The following HHLA1 variants were observed in gnomAD, a reference collection of about 807,000 sequenced individuals.
The protein encoded by HHLA1 is HERV-H LTR-associating protein 1.
Under a neutral mutation model 69.9 loss-of-function variants are expected in HHLA1, and 72 were observed. The observed-to-expected ratio is 1.03, with a 90% CI of 0.85 to 1.25. HHLA1 has a LOEUF of 1.25. Ranked by LOEUF, HHLA1 falls within the 50% of genes most tolerant of loss-of-function variation. The probability of loss-of-function intolerance (pLI) is 0.00; values close to 1 mark genes in which losing one functional copy is unlikely to be tolerated. For missense variants in HHLA1, 685 were observed against 642.2 expected, an observed-to-expected ratio of 1.07 and a Z score of -0.72; for synonymous variants, 252 against 233.2, an observed-to-expected ratio of 1.08 and a Z score of -0.73.
chr8:132,064,508 C>G (rs55791419), intron 16 of HHLA1, among the ~76,000 whole-genome samples: 9,213 of 152,134 alleles, frequency 0.061, 383 homozygotes, highest in South Asian at 0.091. Flanking sequence ...TCTGACCACC[C>G]CACCCCCACT....
chr8:132,105,091 G>T, intron 2 of HHLA1, 96 bp downstream of exon 2: 1 of 891,538 alleles, frequency 1.1e-6, no homozygotes, highest in Non-Finnish European at 1.8e-6. Flanking sequence ...TTTGGATTCT[G>T]GGCAGAAATG....
At chr8:132,082,158 C>T (rs564368480) in intron 10 of HHLA1, among the ~76,000 whole-genome samples, 108 of 152,032 alleles carry the variant, frequency 7.1e-4, no homozygotes, top group Non-Finnish European at 1.3e-3. Context: ...GGAGACTCAA[C>T]AAAGAGTGAG....
At chr8:132,089,073 A>G (rs979485054) in intron 8 of HHLA1, among the ~76,000 whole-genome samples, 7 of 152,224 alleles carry the variant, frequency 4.6e-5, no homozygotes, top group Admixed American at 4.6e-4. Flanking sequence ...TGGGGGTTAC[A>G]TGAAACCACC....
chr8:132,088,508 T>A (rs1823897521), intron 8 of HHLA1, among the ~76,000 whole-genome samples: 1 of 152,164 alleles, frequency 6.6e-6, no homozygotes, highest in Non-Finnish European at 1.5e-5. Flanking sequence ...TAAACATACT[T>A]TTCCCTGACG....
chr8:132,078,933 T>C (rs1823692427), intron 11 of HHLA1, among the ~76,000 whole-genome samples: 1 of 149,932 alleles, frequency 6.7e-6, no homozygotes, highest in African/African-American at 2.5e-5. Flanking sequence ...CTGCACTTTA[T>C]TTTATTTTAA....
At chr8:132,064,319 C>T (rs186134007) in intron 16 of HHLA1, among the ~76,000 whole-genome samples, 183 of 152,322 alleles carry the variant, frequency 1.2e-3, no homozygotes, top group Middle Eastern at 6.8e-3. Flanking sequence ...GTATCTAACG[C>T]ATCTCTAGAG....
At chr8:132,080,687 C>T (rs1185037257) in intron 10 of HHLA1, 4 of 152,770 alleles carry the variant, frequency 2.6e-5, no homozygotes, top group African/African-American at 9.7e-5. Context: ...AGAGGCCTGA[C>T]ATGCCTGCCT....
intron 16 of HHLA1, among the ~76,000 whole-genome samples, chr8:132,065,192 G>A (rs574620582): frequency 5.3e-4 from 80 of 152,300 alleles, no homozygotes; most frequent in African/African-American, 1.9e-3. Flanking sequence ...CAAGGAGAGA[G>A]GTACCATAAT....
intron 14 of HHLA1, among the ~76,000 whole-genome samples, chr8:132,073,063 T>G (rs1189917089): frequency 6.6e-6 from 1 of 152,262 alleles, no homozygotes; most frequent in Non-Finnish European, 1.5e-5. Context: ...ATCTTTGACA[T>G]GTTGACATGT....
At chr8:132,076,274 T>C (rs1285737394) in intron 13 of HHLA1, 145 bp from the exon 14 acceptor site, 2 of 749,588 alleles carry the variant, frequency 2.7e-6, no homozygotes, top group Non-Finnish European at 4.4e-6. Context: ...AAGTGATTTA[T>C]GGAAGACCAC....
At chr8:132,104,205 A>C (rs1300322748) in intron 2 of HHLA1, 38 bp from the exon 3 acceptor site, 2 of 1,383,624 alleles carry the variant, frequency 1.4e-6, no homozygotes, top group South Asian at 2.5e-5. Flanking sequence ...AATTATAACC[A>C]AGACATAATA....
intron 10 of HHLA1, 142 bp from the exon 11 acceptor site, chr8:132,080,108 T>A (rs1412285654): frequency 8.5e-7 from 1 of 1,173,014 alleles, no homozygotes; most frequent in South Asian, 1.3e-5. Flanking sequence ...TTGCTATGTT[T>A]CCTGAACAGA....
At chr8:132,089,886 T>C (rs1014199736) in intron 7 of HHLA1, among the ~76,000 whole-genome samples, 3 of 152,166 alleles carry the variant, frequency 2.0e-5, no homozygotes, top group African/African-American at 7.2e-5. Context: ...AAGGGCCACA[T>C]TGTTGAATAA....
At chr8:132,071,209 C>A in intron 15 of HHLA1, 131 bp downstream of exon 15, 2 of 708,148 alleles carry the variant, frequency 2.8e-6, no homozygotes, top group Non-Finnish European at 4.7e-6. Flanking sequence ...GAGTCCCTTA[C>A]CTTGAGGTAA....
rs113892903 is a variant in HHLA1 at position 132,071,194 on chromosome 8, C to T, written c.1469+146G>A. The T allele has an allele frequency of 8.1e-5, 51 of 631,348 alleles. No homozygotes were observed. The African/African-American group carries it at 8.3e-4, about 10-fold the overall frequency. 39.1% of individuals were successfully genotyped at this position (631,348 alleles called of 1,614,324 possible). ...ATGTGACTGTCTAGTAAAGGACTCA[C>T]TGGAGAGTCCCTTACCTTGAGGTAA... On this transcript the variant is annotated intron_variant, in intron 15 of 16. Coordinates refer to ENST00000414222, the MANE Select transcript of HHLA1 (RefSeq NM_001145095.3).
intron 1 of HHLA1, among the ~76,000 whole-genome samples, chr8:132,109,913 T>C (rs1286126091): frequency 6.6e-6 from 1 of 152,188 alleles, no homozygotes; most frequent in East Asian, 1.9e-4. Flanking sequence ...TTGCTATGAC[T>C]GATGGGCCAA....
chr8:132,076,438 C>CCCCCCCAAA, intron 13 of HHLA1, 37 bp downstream of exon 13: 5 of 1,143,132 alleles, frequency 4.4e-6, no homozygotes, highest in Non-Finnish European at 6.3e-6. Flanking sequence ...TCCCATCCCC[C>CCCCCCCAAA]ACCCCCAAAC....
intron 15 of HHLA1, among the ~76,000 whole-genome samples, chr8:132,066,795 G>A (rs1823447691): frequency 6.6e-6 from 1 of 152,230 alleles, no homozygotes; most frequent in South Asian, 2.1e-4. Flanking sequence ...AAAGTGCAAA[G>A]CTGAGGAAAC....
intron 12 of HHLA1, 68 bp from the exon 13 acceptor site, chr8:132,076,611 G>A: frequency 1.8e-6 from 2 of 1,096,396 alleles, no homozygotes; most frequent in South Asian, 3.6e-5. Flanking sequence ...AAGATGACCA[G>A]GGCCACCTAT....
Sources: allele counts gnomAD v4.1 joint callset (sites outside exome capture counted in the v4.1 genomes callset), GRCh38; gene constraint gnomAD v4.1.1; transcripts MANE v1.5; gene names NCBI Gene and HGNC (gene_info 2026-07-23, HGNC 2026-07-21).